Variants in TTC5 observed in about 807,000 individuals in gnomAD.
TTC5 encodes tetratricopeptide repeat domain 5, also known as tetratricopeptide repeat protein 5.
A neutral mutation model predicts 57.4 loss-of-function variants in TTC5; 46 were observed. The ratio of observed to expected loss-of-function variants is 0.80; its 90% CI spans 0.63 to 1.03. The LOEUF is 1.03. Ranked by LOEUF, TTC5 falls within the 50% of genes least tolerant of loss-of-function variation. The pLI, the probability that TTC5 is intolerant of heterozygous loss-of-function variation, is 0.00. For missense variants in TTC5, 504 were observed against 528.1 expected (o/e 0.95, Z 0.45); for synonymous variants, 190 against 203.5 (o/e 0.93, Z 0.57).
intron 6 of TTC5, 60 bp downstream of exon 6, chr14:20,296,330 G>A: frequency 1.5e-6 from 2 of 1,319,380 alleles, no homozygotes; most frequent in Non-Finnish European, 2.2e-6. Context: ...ATCCTCACAA[G>A]CTAAGACATA....
Position 20,289,149 on chromosome 14 carries a change from C to CTTTTTTTT in TTC5, c.*477_*478insAAAAAAAA. Reference sequence around the variant, plus strand: ...CGTGGTGTTTTTTTTTTTTTCCAAACAAATTTAATTCTGTTCCAGCCCCAA... The same window carrying CTTTTTTTT: ...CGTGGTGTTTTTTTTTTTTTCCAAACTTTTTTTTAAATTTAATTCTGTTCCAGCCCCAA... On this transcript the variant is annotated 3_prime_UTR_variant, in exon 10 of 10. Coordinates refer to ENST00000258821, the MANE Select transcript of TTC5 (RefSeq NM_138376.3). The CTTTTTTTT allele has an allele frequency of 7.1e-6, 1 of 141,786 alleles. No individual in the cohort carries two copies. 8.8% of individuals were successfully genotyped at this position (141,786 alleles called of 1,614,324 possible).
chr14:20,303,929 C>T (rs537910873), intron 1 of TTC5, among the ~76,000 whole-genome samples: 1 of 152,310 alleles, frequency 6.6e-6, no homozygotes, highest in South Asian at 2.1e-4. Context: ...ATAACTTATT[C>T]CTCATCATCA....
chr14:20,298,124 A>C (rs1411290729), intron 5 of TTC5, among the ~76,000 whole-genome samples: 1 of 152,194 alleles, frequency 6.6e-6, no homozygotes, highest in Admixed American at 6.5e-5. Flanking sequence ...AAGAAAGGTA[A>C]ATATGAGAGC....
chr14:20,295,295 A>T lies in TTC5; in HGVS notation c.1058+17T>A, dbSNP rs1396329207. On this transcript the variant is annotated intron_variant, in intron 8 of 9. Coordinates refer to ENST00000258821, the MANE Select transcript of TTC5 (RefSeq NM_138376.3). ...AGTTCAAAAGGGTAAAATGGGGGAAATCCAAGAGAAACTCACAAGGGGACT... is the reference window on the plus strand; with the variant it reads ...AGTTCAAAAGGGTAAAATGGGGGAATTCCAAGAGAAACTCACAAGGGGACT... 13 of 1,613,216 alleles carry T rather than the reference A, an allele frequency of 8.1e-6. No homozygotes were observed. Among genetic ancestry groups the T allele is most frequent in the Non-Finnish European group, 1.1e-5 (13 of 1,179,174 alleles).
intron 1 of TTC5, 38 bp from the exon 2 acceptor site, chr14:20,302,003 T>C (rs917635434): frequency 3.7e-6 from 6 of 1,611,188 alleles, no homozygotes; most frequent in Non-Finnish European, 5.1e-6. Context: ...AGTGGAAAGA[T>C]CACTGGATAG....
In TTC5 at chr14:20,292,131, C is replaced by A; in HGVS notation, c.1059-4G>T. On this transcript the variant is annotated splice_region_variant and splice_polypyrimidine_tract_variant and intron_variant, in intron 8 of 9. Coordinates refer to ENST00000258821, the MANE Select transcript of TTC5 (RefSeq NM_138376.3). ...TGAATCTACCAGGCCAAATGTACTA[C>A]CAAGTAAAGACAGATTAGGAGAGAG... 6.4e-7 allele frequency: 1 copy of A among 1,554,414 alleles called. No individual in the cohort carries two copies.
Position 20,295,827 on chromosome 14 carries a change from C to T in TTC5, c.724G>A (p.Glu242Lys). 6.3e-7 allele frequency: 1 copy of T among 1,589,242 alleles called. No individual in the cohort carries two copies. The highest frequency in any genetic ancestry group is 8.5e-7 in the Non-Finnish European group (1 of 1,173,648). ...TLHKYEESYGEALEGFSRAAA... is the reference protein window; with the variant it reads ...TLHKYEESYGKALEGFSRAAA... ...GCCCGAGAGAAGCCCTCCAGGGCCTCCCCATAACTCTCTTCATATTTATGC... is the reference window on the plus strand; with the variant it reads ...GCCCGAGAGAAGCCCTCCAGGGCCTTCCCATAACTCTCTTCATATTTATGC... The change falls in exon 7 of 10, where the codon GAG (glutamate) becomes AAG (lysine). Residue 242 changes from glutamate (E) to lysine (K), a missense_variant. By Grantham distance (56) the Glu-to-Lys change is moderately conservative (BLOSUM62 1). Coordinates refer to ENST00000258821, the MANE Select transcript of TTC5 (RefSeq NM_138376.3).
chr14:20,302,318 T>G (rs1882210392), intron 1 of TTC5, among the ~76,000 whole-genome samples: 1 of 152,232 alleles, frequency 6.6e-6, no homozygotes, highest in South Asian at 2.1e-4. Context: ...GTTAGTAAGA[T>G]CATTCTATAT....
At chr14:20,291,489 C>T (rs1480091627) in intron 9 of TTC5, among the ~76,000 whole-genome samples, 3 of 152,018 alleles carry the variant, frequency 2.0e-5, no homozygotes, top group East Asian at 1.9e-4. Flanking sequence ...TTGAATGGGG[C>T]AAGGCAGGTA....
Position 20,287,501 on chromosome 14 carries a change from G to A in TTC5, c.*2126C>T, listed in dbSNP as rs1881862736. On this transcript the variant is annotated 3_prime_UTR_variant, in exon 10 of 10. Coordinates refer to ENST00000258821, the MANE Select transcript of TTC5 (RefSeq NM_138376.3). ...CATACAATGAGATTTATATAGCTGTGAAGACAAATGAGATCATGGAGAGGT... is the reference window on the plus strand; with the variant it reads ...CATACAATGAGATTTATATAGCTGTAAAGACAAATGAGATCATGGAGAGGT... The A allele has an allele frequency of 6.6e-6, 1 of 152,196 alleles. No homozygotes were observed. The highest frequency in any genetic ancestry group is 2.4e-5 in the African/African-American group (1 of 41,440). 9.4% of individuals were successfully genotyped at this position (152,196 alleles called of 1,614,324 possible).
intron 9 of TTC5, 128 bp from the exon 10 acceptor site, chr14:20,289,874 A>C: frequency 9.8e-7 from 1 of 1,019,314 alleles, no homozygotes; most frequent in Non-Finnish European, 1.4e-6. Flanking sequence ...CTTCCATCTC[A>C]CATCAGACAA....
intron 2 of TTC5, 26 bp downstream of exon 2, chr14:20,301,807 G>A: frequency 1.2e-6 from 2 of 1,613,108 alleles, no homozygotes; most frequent in Middle Eastern, 1.7e-4. Flanking sequence ...GAAGGATGGG[G>A]GTTGTACAAT....
intron 1 of TTC5, chr14:20,305,644 G>A: frequency 3.4e-6 from 2 of 581,862 alleles, no homozygotes; most frequent in Non-Finnish European, 6.1e-6. Flanking sequence ...TACATGAACA[G>A]TTAGGAGCAA....
At chr14:20,290,890 T>C (rs1881939422) in intron 9 of TTC5, among the ~76,000 whole-genome samples, 1 of 152,212 alleles carries the variant, frequency 6.6e-6, no homozygotes, top group Admixed American at 6.5e-5. Flanking sequence ...TCTGACACTA[T>C]AGTGCAAAAA....
In TTC5 at chr14:20,296,426, A is replaced by T. The variant is rs1953552; in HGVS notation, c.660T>A (p.Ala220=). The change falls in exon 6 of 10, where the codon GCT becomes GCA. Residue 220 remains alanine (A), a synonymous_variant. Coordinates refer to ENST00000258821, the MANE Select transcript of TTC5 (RefSeq NM_138376.3). The stretch of plus-strand genomic sequence containing the variant: ...TCAGATGAAGGTCAGGATTGCTAGA[A>T]GCTTTTCTGTCAACTTTCTCCTATA... ...YAQAEKVDRK[A]SSNPDLHLNR... 1.1e-5 allele frequency: 18 copies of T among 1,611,764 alleles called. No homozygotes were observed. Among genetic ancestry groups the T allele is most frequent in the Middle Eastern group, 1.6e-4 (1 of 6,080 alleles).
chr14:20,301,976 T>A lies in TTC5; in HGVS notation c.52-11A>T. On this transcript the variant is annotated splice_polypyrimidine_tract_variant and intron_variant, in intron 1 of 9. Coordinates refer to ENST00000258821, the MANE Select transcript of TTC5 (RefSeq NM_138376.3). The stretch of plus-strand genomic sequence containing the variant: ...CTGATCCACGAGTTCCTAAAAAGTA[T>A]GACAATGGAACCATTAAGTGGAAAG... The A allele has an allele frequency of 1.2e-6, 2 of 1,613,760 alleles. No individual in the cohort carries two copies. The highest frequency in any genetic ancestry group is 1.7e-6 in the Non-Finnish European group (2 of 1,179,822).
In TTC5 at chr14:20,289,559, T is replaced by C; in HGVS notation, c.*68A>G. The C allele has an allele frequency of 6.5e-7, 1 of 1,537,316 alleles. No homozygotes were observed. Among genetic ancestry groups the C allele is most frequent in the Non-Finnish European group, 8.8e-7 (1 of 1,141,428 alleles). On this transcript the variant is annotated 3_prime_UTR_variant, in exon 10 of 10. Transcript: ENST00000258821. ...CCCATCCCTGCTGAATCACTGGATG[T>C]GGCTGGACCGGCTGTCCAGAGCCTT...
rs568313568 is a variant in TTC5, at chr14:20,302,033, G to A, written c.52-68C>T. On this transcript the variant is annotated intron_variant, in intron 1 of 9. Transcript: ENST00000258821. ...GGATAGGGAAACTTGAAATTGGCTA[G>A]CCATACCAGCTCTTGGTCTAGAAAT... 3 of 1,550,190 alleles carry A rather than the reference G, an allele frequency of 1.9e-6. No homozygotes were observed. The African/African-American group carries it at 4.1e-5, about 21-fold the overall frequency.
rs769611893 is a variant in TTC5 at position 20,299,482 on chromosome 14, T to C, written c.397-34A>G. The C allele has an allele frequency of 2.5e-6, 4 of 1,603,788 alleles. No individual in the cohort carries two copies. In the Admixed American group the frequency reaches 5.0e-5, roughly 20 times the overall value. On this transcript the variant is annotated intron_variant, in intron 3 of 9. Transcript: ENST00000258821. ...AGGAAGGGCACATACTCAATCTTCC[T>C]GATTCTACCTCCCCTTTCCAGATCT...
Sources: allele counts gnomAD v4.1 joint callset (sites outside exome capture counted in the v4.1 genomes callset), GRCh38; gene constraint gnomAD v4.1.1; transcripts MANE v1.5; gene names NCBI Gene and HGNC (gene_info 2026-07-23, HGNC 2026-07-21).